Variants in AGXT2 observed in about 807,000 individuals in gnomAD.
AGXT2 encodes alanine--glyoxylate aminotransferase 2.
AGXT2 carries 61 observed loss-of-function variants against 62.5 expected under a neutral mutation model. The ratio of observed to expected loss-of-function variants is 0.98; its 90% CI spans 0.79 to 1.21. The LOEUF is 1.21. Ranked by LOEUF, AGXT2 falls within the 50% of genes most tolerant of loss-of-function variation. The pLI is 0.00. For missense variants in AGXT2, 666 were observed against 641.5 expected (o/e 1.04, Z -0.41); for synonymous variants, 243 against 218.7 (o/e 1.11, Z -0.98).
Position 35,022,640 on chromosome 5 carries a change from G to A in AGXT2, c.963+3123C>T, listed in dbSNP as rs1417537723. 4.6e-5 allele frequency among the ~76,000 whole-genome samples: 7 copies of A among 151,226 alleles called. No individual in the cohort carries two copies. In the South Asian group the frequency reaches 1.0e-3, roughly 23 times the overall value. Reference sequence around the variant, plus strand: ...CTAATGCTAGATGACGAGTTAGTGGGTGCAGCGCACCAGCATGGCACATGT... The same window carrying A: ...CTAATGCTAGATGACGAGTTAGTGGATGCAGCGCACCAGCATGGCACATGT... On this transcript the variant is annotated intron_variant, in intron 9 of 13. Coordinates refer to ENST00000231420, the MANE Select transcript of AGXT2 (RefSeq NM_031900.4).
At chr5:35,019,215 C>A (rs1766969943) in intron 9 of AGXT2, among the ~76,000 whole-genome samples, 1 of 132,540 alleles carries the variant, frequency 7.5e-6, no homozygotes, top group African/African-American at 2.9e-5. Flanking sequence ...AGCTCTGCAC[C>A]AAGCGGACCT....
At chr5:35,019,929 A>G (rs183938843) in intron 9 of AGXT2, among the ~76,000 whole-genome samples, 13,679 of 152,314 alleles carry the variant, frequency 0.09, 775 homozygotes, top group South Asian at 0.15. Flanking sequence ...CTACCATCAG[A>G]GAATACTACA....
Position 35,006,176 on chromosome 5 carries a change from G to A in AGXT2, c.1339-2315C>T, listed in dbSNP as rs1580570221. 2.0e-5 allele frequency among the ~76,000 whole-genome samples: 3 copies of A among 152,072 alleles called. No homozygotes were observed. In the East Asian group the frequency reaches 5.8e-4, roughly 29 times the overall value. On this transcript the variant is annotated intron_variant, in intron 12 of 13. Transcript: ENST00000231420. ...GTAAGTTGTTCAACCTCCTAATGTT[G>A]AGCATTTAGGTTGTTTCCAATTTTT...
chr5:35,019,562 C>T lies in AGXT2; in HGVS notation c.964-5443G>A, dbSNP rs192831315. 3.4e-3 allele frequency among the ~76,000 whole-genome samples: 511 copies of T among 152,216 alleles called. 5 individuals carry two copies. The highest frequency in any genetic ancestry group is 0.012 in the African/African-American group (491 of 41,506). Reference sequence around the variant, plus strand: ...ACAAAACATACCAGAATCTCTGGGACGCATTCAAAGCAGTGTGTAGAGGGA... The same window carrying T: ...ACAAAACATACCAGAATCTCTGGGATGCATTCAAAGCAGTGTGTAGAGGGA... On this transcript the variant is annotated intron_variant, in intron 9 of 13. Transcript: ENST00000231420.
chr5:35,032,716 C>T lies in AGXT2; in HGVS notation c.769+16G>A. ...ACTTCCAACACTCCACTGGCACCCC[C>T]CTTGCCCAGTCGGACCTGGTGCACA... On this transcript the variant is annotated intron_variant, in intron 7 of 13. Transcript: ENST00000231420. The T allele has an allele frequency of 5.0e-6, 8 of 1,594,032 alleles. No homozygotes were observed. Among genetic ancestry groups the T allele is most frequent in the Non-Finnish European group, 6.8e-6 (8 of 1,168,302 alleles).
Position 35,025,916 on chromosome 5 carries a change from A to C in AGXT2, c.871-61T>G. 3 of 1,426,342 alleles carry C rather than the reference A, an allele frequency of 2.1e-6. No homozygotes were observed. The South Asian group carries it at 3.5e-5, about 17-fold the overall frequency. The allele number at this position is 1,426,342 out of a possible 1,614,324, so 88.4% of individuals were successfully genotyped here. ...AGCATCAGCCCTTTCAAAGTATATAAAAAAGTTAGATCATCATTATCATCA... is the reference window on the plus strand; with the variant it reads ...AGCATCAGCCCTTTCAAAGTATATACAAAAGTTAGATCATCATTATCATCA... On this transcript the variant is annotated intron_variant, in intron 8 of 13. Transcript: ENST00000231420.
At chr5:35,019,608 C>A (rs1173455287) in intron 9 of AGXT2, among the ~76,000 whole-genome samples, 1 of 152,036 alleles carries the variant, frequency 6.6e-6, no homozygotes, top group Non-Finnish European at 1.5e-5. Flanking sequence ...ACTAAATGCC[C>A]ACAAGAGAAA....
chr5:35,018,003 A>T (rs1209511150), intron 9 of AGXT2, among the ~76,000 whole-genome samples: 1 of 152,152 alleles, frequency 6.6e-6, no homozygotes, highest in Non-Finnish European at 1.5e-5. Flanking sequence ...TGAAATGAAG[A>T]CAGAAGGGAA....
At chr5:35,000,778 T>A (rs1015726772) in intron 13 of AGXT2, among the ~76,000 whole-genome samples, 1 of 152,228 alleles carries the variant, frequency 6.6e-6, no homozygotes, top group Non-Finnish European at 1.5e-5. Flanking sequence ...TTTCCTCATC[T>A]CACTGTGTAA....
At chr5:35,036,757 C>T (rs1247098076) in intron 4 of AGXT2, among the ~76,000 whole-genome samples, 185 bp downstream of exon 4, 1 of 152,202 alleles carries the variant, frequency 6.6e-6, no homozygotes, top group Non-Finnish European at 1.5e-5. Context: ...TGTCTGATTG[C>T]TTTCAGATGT....
Position 35,047,787 on chromosome 5 carries a change from C to T in AGXT2, c.88+18G>A, listed in dbSNP as rs376555663. On this transcript the variant is annotated intron_variant, in intron 1 of 13. Transcript: ENST00000231420. ...CGCTGATCCTCTACTGACCCACGTCCCCCTGGTTTCCACTTACGGCTCAGG... is the reference window on the plus strand; with the variant it reads ...CGCTGATCCTCTACTGACCCACGTCTCCCTGGTTTCCACTTACGGCTCAGG... The T allele has an allele frequency of 2.5e-5, 40 of 1,613,766 alleles. No individual in the cohort carries two copies. The highest frequency in any genetic ancestry group is 3.1e-5 in the Non-Finnish European group (36 of 1,179,888).
intron 11 of AGXT2, 47 bp downstream of exon 11, chr5:35,012,905 AAG>A (rs200794102): frequency 0.014 from 21,559 of 1,498,214 alleles, 211 homozygotes; most frequent in Non-Finnish European, 0.018. Flanking sequence ...GTGGTTTTGA[AAG>A]AGTCATTTGT....
chr5:35,033,565 AAAC>A lies in AGXT2; in HGVS notation c.582-15_582-13del. 6.2e-7 allele frequency: 1 copy of A among 1,608,144 alleles called. No homozygotes were observed. The highest frequency in any genetic ancestry group is 1.1e-5 in the South Asian group (1 of 90,952). On this transcript the variant is annotated splice_polypyrimidine_tract_variant and intron_variant, in intron 5 of 13. Transcript: ENST00000231420. ...CATGGTAGGCTCCTCTGCAGAGAAG[AAAC>A]AACAGGAGGATGGGGTCAAGTTCCT...
At chr5:35,026,946 T>C (rs1767378675) in intron 7 of AGXT2, 2 of 985,046 alleles carry the variant, frequency 2.0e-6, no homozygotes, top group Non-Finnish European at 1.2e-6. Flanking sequence ...TGTACCGTTT[T>C]AAAGCTACAA....
rs750216638 is a variant in AGXT2, at chr5:34,998,359, T to C, written c.*360A>G. On this transcript the variant is annotated 3_prime_UTR_variant, in exon 14 of 14. Coordinates refer to ENST00000231420, the MANE Select transcript of AGXT2 (RefSeq NM_031900.4). ...CTGAAGAGTGAGGGTGAAGAAAACTTTCCCTGAAGGCACCTCCACCAAAAG... is the reference window on the plus strand; with the variant it reads ...CTGAAGAGTGAGGGTGAAGAAAACTCTCCCTGAAGGCACCTCCACCAAAAG... 3 of 302,148 alleles carry C rather than the reference T, an allele frequency of 9.9e-6. No homozygotes were observed. Among genetic ancestry groups the C allele is most frequent in the African/African-American group, 2.2e-5 (1 of 46,180 alleles). The allele number at this position is 302,148 out of a possible 1,614,324, so 18.7% of individuals were successfully genotyped here.
rs146075538 is a variant in AGXT2 at position 35,010,012 on chromosome 5, C to A, written c.1326G>T (p.Met442Ile). 11 of 1,614,208 alleles carry A rather than the reference C, an allele frequency of 6.8e-6. No individual in the cohort carries two copies. The African/African-American group carries it at 1.5e-4, about 22-fold the overall frequency. The part of the protein sequence containing the change: ...RGKGLMIGIE[M>I]VQDKISCRPL... Reference sequence around the variant, plus strand: ...GATTAGCACCTACCTTATCCTGCACCATTTCTATGCCTATCATGAGACCTT... The same window carrying A: ...GATTAGCACCTACCTTATCCTGCACAATTTCTATGCCTATCATGAGACCTT... Residue 442 changes from methionine (M) to isoleucine (I), a missense_variant, in exon 12 of 14, where the codon ATG (methionine) becomes ATT (isoleucine). Transcript: ENST00000231420.
intron 7 of AGXT2, among the ~76,000 whole-genome samples, chr5:35,031,639 G>A (rs978818576): frequency 2.6e-5 from 4 of 152,138 alleles, no homozygotes; most frequent in African/African-American, 9.7e-5. Context: ...GTTAAGCGTA[G>A]GTAAAGAATG....
At chr5:35,041,163 A>T (rs151096307) in intron 1 of AGXT2, among the ~76,000 whole-genome samples, 3 of 147,122 alleles carry the variant, frequency 2.0e-5, no homozygotes, top group Non-Finnish European at 4.5e-5. Context: ...CAGGTGTTAG[A>T]CAATATACTA....
At chr5:35,025,989 G>A (rs987899616) in intron 8 of AGXT2, 134 bp from the exon 9 acceptor site, 1 of 770,896 alleles carries the variant, frequency 1.3e-6, no homozygotes, top group South Asian at 1.5e-5. Context: ...CTGTAGAACA[G>A]TTTCCACTGT....
Sources: gnomAD v4.1 joint callset for allele counts (sites outside exome capture counted in the v4.1 genomes callset) on GRCh38, gnomAD v4.1.1 for gene constraint, MANE v1.5 for transcripts, NCBI Gene and HGNC (gene_info 2026-07-23, HGNC 2026-07-21) for gene names.